The following VPS11 variants were observed in gnomAD, a reference collection of about 807,000 sequenced individuals.
VPS11 encodes the protein vacuolar protein sorting-associated protein 11 homolog.
Under a neutral mutation model 106.8 loss-of-function variants are expected in VPS11, and 51 were observed. The ratio of observed to expected loss-of-function variants is 0.48; its 90% CI spans 0.38 to 0.60. VPS11 has a LOEUF of 0.60. VPS11 is among the 20% of genes least tolerant of loss of function. The pLI is 0.00. For synonymous variants in VPS11, 453 were observed against 458.7 expected (o/e 0.99, Z 0.16); for missense variants, 950 against 1,190.0 (o/e 0.80, Z 2.97).
intron 11 of VPS11, 113 bp downstream of exon 11, chr11:119,078,447 G>C: frequency 1.3e-6 from 2 of 1,568,872 alleles, no homozygotes; most frequent in South Asian, 2.3e-5. Flanking sequence ...TTACCTCGGG[G>C]CTCAATGGTC....
intron 15 of VPS11, 61 bp from the exon 16 acceptor site, chr11:119,081,398 T>C (rs974084992): frequency 6.2e-7 from 1 of 1,611,582 alleles, no homozygotes; most frequent in Admixed American, 1.7e-5. Flanking sequence ...TATCACCTCC[T>C]CATTTAAGAA....
intron 7 of VPS11, among the ~76,000 whole-genome samples, chr11:119,076,467 G>A (rs979540023): frequency 7.3e-5 from 11 of 150,440 alleles, no homozygotes; most frequent in East Asian, 2.0e-4. Context: ...CAGAGGTTGC[G>A]GTGGGCTGAG....
chr11:119,071,994 G>A, intron 5 of VPS11, 151 bp downstream of exon 5: 1 of 1,030,662 alleles, frequency 9.7e-7, no homozygotes, highest in Non-Finnish European at 1.4e-6. Flanking sequence ...TTTTTGAGAT[G>A]GAGTCTCGCT....
chr11:119,079,178 G>A lies in VPS11; in HGVS notation c.2316G>A (p.Arg772=), dbSNP rs148589781. Residue 772 remains arginine, a synonymous_variant, in exon 14 of 16, where the codon AGG becomes AGA. Coordinates refer to ENST00000621676, the MANE Select transcript of VPS11 (RefSeq NM_021729.6). ...HNSTATLSVI[R]DYLVQKLQKQ... The stretch of plus-strand genomic sequence containing the variant: ...CCACAGCCACACTCTCCGTCATCAG[G>A]GACTACCTGGTCCAAAAACTACAGA... The A allele has an allele frequency of 5.4e-4, 870 of 1,613,816 alleles. No homozygotes were observed. Among genetic ancestry groups the A allele is most frequent in the Non-Finnish European group, 7.0e-4 (825 of 1,179,834 alleles).
chr11:119,077,696 G>A, intron 9 of VPS11, 49 bp downstream of exon 9: 4 of 1,550,438 alleles, frequency 2.6e-6, no homozygotes, highest in Non-Finnish European at 3.5e-6. Context: ...TCACTATGTT[G>A]CCCAGGCTGG....
rs541030590 is a variant in VPS11 at position 119,076,494 on chromosome 11, C to G, written c.1239-403C>G. ...TGGGCTGAGATCGTGCCACTGCACT[C>G]CAGCCTGGGCAACAGGAGCGAACCT... On this transcript the variant is annotated intron_variant, in intron 7 of 15. Transcript: ENST00000621676. Among the ~76,000 whole-genome samples, 4 of 151,620 alleles carry G rather than the reference C, an allele frequency of 2.6e-5. No homozygotes were observed. The East Asian group carries it at 7.7e-4, about 29-fold the overall frequency.
chr11:119,080,098 A>G (rs1441347290), intron 14 of VPS11, among the ~76,000 whole-genome samples: 1 of 151,982 alleles, frequency 6.6e-6, no homozygotes, highest in African/African-American at 2.4e-5. Context: ...TCACTCTGTC[A>G]CCCAGGCTAG....
rs782123369 is a variant in VPS11 at position 119,073,221 on chromosome 11, C to T, written c.908C>T (p.Ser303Leu). The change falls in exon 6 of 16, where the codon TCA (serine) becomes TTA (leucine). Residue 303 changes from serine to leucine, a missense_variant. Coordinates refer to ENST00000621676, the MANE Select transcript of VPS11 (RefSeq NM_021729.6). ...AGGTCAGAGTTTACCAGCAGGGATT[C>T]ACAGAGCTCCGACAAGCAGATTCTA... ...SPKSEFTSRD[S>L]QSSDKQILNI... 3.1e-6 allele frequency: 5 copies of T among 1,613,354 alleles called. No homozygotes were observed. The highest frequency in any genetic ancestry group is 4.2e-6 in the Non-Finnish European group (5 of 1,179,674).
chr11:119,070,525 G>T, intron 4 of VPS11, 128 bp downstream of exon 4: 1 of 1,068,170 alleles, frequency 9.4e-7, no homozygotes, highest in South Asian at 2.6e-5. Flanking sequence ...CGAATCATTT[G>T]CCTAGCTTTG....
At chr11:119,076,854 A>C (rs1945639055) in intron 7 of VPS11, 43 bp from the exon 8 acceptor site, 3 of 1,602,870 alleles carry the variant, frequency 1.9e-6, no homozygotes, top group Non-Finnish European at 2.6e-6. Flanking sequence ...GAGCTGGAGA[A>C]GTACACTGAT....
Position 119,081,737 on chromosome 11 carries a change from C to A in VPS11, c.*114C>A. 1 of 1,366,582 alleles carries A rather than the reference C, an allele frequency of 7.3e-7. No individual in the cohort carries two copies. Among genetic ancestry groups the A allele is most frequent in the Non-Finnish European group, 9.9e-7 (1 of 1,014,970 alleles). 84.7% of individuals were successfully genotyped at this position (1,366,582 alleles called of 1,614,324 possible). A position where few individuals can be genotyped will look rare whatever the true frequency, so the allele number is the denominator to read the frequency against. On this transcript the variant is annotated 3_prime_UTR_variant, in exon 16 of 16. Coordinates refer to ENST00000621676, the MANE Select transcript of VPS11 (RefSeq NM_021729.6). Reference sequence around the variant, plus strand: ...GACATGCCCAGGGCTCCACTCTCATCTAATGTCACAGCCCTCAGAACTAAA... The same window carrying A: ...GACATGCCCAGGGCTCCACTCTCATATAATGTCACAGCCCTCAGAACTAAA...
chr11:119,069,541 T>A lies in VPS11; in HGVS notation c.436T>A (p.Leu146Met). ...AACAGAGCCAACTGTTGTATCTTGT[T>A]TGACTGTCCATGAAAATCTCAACTT... ...PGTEPTVVSC[L>M]TVHENLNFMA... Residue 146 changes from leucine to methionine, a missense_variant, in exon 3 of 16, where the codon TTG becomes ATG. Leu to Met is a conservative substitution (Grantham distance 15, BLOSUM62 2). Around this residue, in one of 3 missense-constraint regions of VPS11, gnomAD observed 435 missense variants for 630.2 expected, o/e 0.69. Transcript: ENST00000621676. 1 of 1,614,050 alleles carries A rather than the reference T, an allele frequency of 6.2e-7. No individual in the cohort carries two copies. The highest frequency in any genetic ancestry group is 8.5e-7 in the Non-Finnish European group (1 of 1,179,896).
chr11:119,068,421 C>T (rs1945204294), intron 1 of VPS11, among the ~76,000 whole-genome samples: 1 of 145,682 alleles, frequency 6.9e-6, no homozygotes, highest in South Asian at 2.2e-4. Flanking sequence ...CATGTTGCTG[C>T]TACTAAATTC....
chr11:119,070,576 T>A, intron 4 of VPS11, 179 bp downstream of exon 4: 1 of 589,852 alleles, frequency 1.7e-6, no homozygotes, highest in Non-Finnish European at 2.6e-6. Context: ...AGAGTTAGAC[T>A]CTGGGCTTGT....
In VPS11 at chr11:119,067,906, C is replaced by T. The variant is rs1014567931; in HGVS notation, c.83C>T (p.Ala28Val). 1.2e-6 allele frequency: 2 copies of T among 1,603,948 alleles called. No individual in the cohort carries two copies. The highest frequency in any genetic ancestry group is 1.3e-5 in the African/African-American group (1 of 74,782). Residue 28 changes from alanine to valine, a missense_variant, in exon 1 of 16, where the codon GCT (alanine) becomes GTT (valine). Transcript: ENST00000621676. ...VKEPLSNDGA[A>V]PGATPASGSA... is the part of the protein sequence containing the mutation. ...GAGCCGCTGAGCAATGATGGGGCCG[C>T]TCCCGGGGCCACACCTGCTTCTGGA...
intron 7 of VPS11, among the ~76,000 whole-genome samples, chr11:119,075,478 G>T (rs191560098): frequency 0.023 from 3,484 of 151,602 alleles, 144 homozygotes; most frequent in African/African-American, 0.078. Flanking sequence ...GCCAAGGCGG[G>T]TGGATCACTT....
At position 119,079,275 on chromosome 11, in the gene VPS11, C is replaced by T. The variant is rs782251211; in HGVS notation, c.2413C>T (p.Gln805Ter). 2 of 1,598,562 alleles carry T rather than the reference C, an allele frequency of 1.3e-6. No homozygotes were observed. The highest frequency in any genetic ancestry group is 1.7e-6 in the Non-Finnish European group (2 of 1,172,764). Residue 805 changes from glutamine to a stop codon, truncating the protein, a stop_gained, in exon 14 of 16, where the codon CAG (glutamine) becomes TAG (stop). Transcript: ENST00000621676. LOFTEE classifies it high-confidence loss of function. Reference sequence around the variant, plus strand: ...CCGAGAGGAGACCACCCGTATCCGCCAGGAGATCCAAGAGCTCAAGGCCAG... The same window carrying T: ...CCGAGAGGAGACCACCCGTATCCGCTAGGAGATCCAAGAGCTCAAGGCCAG... ...RYREETTRIRQEIQELKASPK... is the reference protein window; with the variant it reads ...RYREETTRIR
At position 119,079,447 on chromosome 11, in the gene VPS11, A is replaced by C. The variant is rs1441097548; in HGVS notation, c.2438+147A>C. On this transcript the variant is annotated intron_variant, in intron 14 of 15. Coordinates refer to ENST00000621676, the MANE Select transcript of VPS11 (RefSeq NM_021729.6). ...AGTTGTGTTTTAATTGAGGAATTCCAAAAAATGGTTTATTACATAGATCAT... is the reference window on the plus strand; with the variant it reads ...AGTTGTGTTTTAATTGAGGAATTCCCAAAAATGGTTTATTACATAGATCAT... 8.6e-6 allele frequency: 9 copies of C among 1,044,658 alleles called. No homozygotes were observed. In the African/African-American group the frequency reaches 9.6e-5, roughly 11 times the overall value. 64.7% of individuals were successfully genotyped at this position (1,044,658 alleles called of 1,614,324 possible).
In VPS11 at chr11:119,071,808, T is replaced by C. The variant is rs782071691; in HGVS notation, c.849T>C (p.Leu283=). The change falls in exon 5 of 16, where the codon CTT becomes CTC. Residue 283 remains leucine (L), a synonymous_variant. Coordinates refer to ENST00000621676, the MANE Select transcript of VPS11 (RefSeq NM_021729.6). ...TTGCCCACTGGTTTAGAGGCTACCT[T>C]ATCATTGTCTCCCGTGACCGGAAGG... ...KLIAHWFRGY[L]IIVSRDRKVS... 6.2e-7 allele frequency: 1 copy of C among 1,613,708 alleles called. No homozygotes were observed. Among genetic ancestry groups the C allele is most frequent in the South Asian group, 1.1e-5 (1 of 91,088 alleles).
Sources: gnomAD v4.1 joint callset for allele counts (sites outside exome capture counted in the v4.1 genomes callset) on GRCh38, gnomAD v4.1.1 for gene constraint, gnomAD v4.1.1 regional missense constraint, MANE v1.5 for transcripts, NCBI Gene and HGNC (gene_info 2026-07-23, HGNC 2026-07-21) for gene names.